CPNE2: variants seen among roughly 807,000 people sequenced by gnomAD.
The protein encoded by CPNE2 is copine-2.
CPNE2 carries 42 observed loss-of-function variants against 69.7 expected under a neutral mutation model. The ratio of observed to expected loss-of-function variants is 0.60; its 90% confidence interval spans 0.47 to 0.78. The LOEUF is 0.78. Ranked by LOEUF, CPNE2 falls within the 30% of genes least tolerant of loss-of-function variation. The pLI, the probability that CPNE2 is intolerant of heterozygous loss-of-function variation, is 0.00. For missense variants in CPNE2, 587 were observed against 732.0 expected, an observed-to-expected ratio of 0.80 and a Z score of 2.29; for synonymous variants, 294 against 289.8, an observed-to-expected ratio of 1.01 and a Z score of -0.15.
chr16:57,117,426 C>T (rs2069727277), intron 4 of CPNE2, 70 bp from the exon 5 acceptor site: 2 of 1,514,398 alleles, frequency 1.3e-6, no homozygotes, highest in African/African-American at 2.8e-5. Context: ...GCTCCTGGGG[C>T]ACCCTGTGCC....
Position 57,146,144 on chromosome 16 carries a change from G to T in CPNE2, c.1362G>T (p.Arg454=). ...DGVISDMEET[R]HAVVQASKLP... is the part of the protein sequence containing the mutation. ...TCATCAGTGACATGGAGGAGACACGGCATGCCGTGGTGCAGGCTTCCAAGC... is the reference window on the plus strand; with the variant it reads ...TCATCAGTGACATGGAGGAGACACGTCATGCCGTGGTGCAGGCTTCCAAGC... The change falls in exon 15 of 16, where the codon CGG becomes CGT. Residue 454 remains arginine (R), a synonymous_variant. Coordinates refer to ENST00000290776, the MANE Select transcript of CPNE2 (RefSeq NM_152727.6). The surrounding 1 kb of genome is among the most constrained non-coding windows in gnomAD (Gnocchi z 4.4). The T allele has an allele frequency of 6.3e-7, 1 of 1,593,732 alleles. No homozygotes were observed. Among genetic ancestry groups the T allele is most frequent in the Non-Finnish European group, 8.6e-7 (1 of 1,169,384 alleles).
At chr16:57,147,473 G>A in intron 15 of CPNE2, 78 bp from the exon 16 acceptor site, 2 of 1,063,128 alleles carry the variant, frequency 1.9e-6, no homozygotes, top group Non-Finnish European at 2.7e-6. Flanking sequence ...CAGCCCTCTG[G>A]GCATAGTGCC....
Position 57,121,152 on chromosome 16 carries a change from C to T in CPNE2, c.741C>T (p.Thr247=), listed in dbSNP as rs758072749. ...ATGACTTCATCGGCGAGTTCCAGAC[C>T]TCAGTGTCACAGATGTGTGAGGCTC... ...GGHDFIGEFQ[T]SVSQMCEARD... Residue 247 remains threonine, a synonymous_variant, in exon 8 of 16, where the codon ACC becomes ACT. Transcript: ENST00000290776. 1.2e-6 allele frequency: 2 copies of T among 1,614,022 alleles called. No homozygotes were observed. The highest frequency in any genetic ancestry group is 1.7e-4 in the Middle Eastern group (1 of 6,060).
At chr16:57,096,010 T>C (rs954248541) in intron 1 of CPNE2, among the ~76,000 whole-genome samples, 18 of 152,372 alleles carry the variant, frequency 1.2e-4, no homozygotes, top group Non-Finnish European at 2.5e-4. Context: ...TTTAGGGCCA[T>C]GTCCCAGCAC....
rs114460089 is a variant in CPNE2 at position 57,134,102 on chromosome 16, A to T, written c.1117-673A>T. Among the ~76,000 whole-genome samples the T allele has an allele frequency of 6.2e-3, 944 of 152,286 alleles. 5 individuals are homozygous for T. Among genetic ancestry groups the T allele is most frequent in the African/African-American group, 0.022 (897 of 41,574 alleles). ...AAGCCATGCGAGCAGCAGCAGCCGG[A>T]TGTGATGGGTGCAGCAGTGTCCCGG... On this transcript the variant is annotated intron_variant, in intron 12 of 15. Coordinates refer to ENST00000290776, the MANE Select transcript of CPNE2 (RefSeq NM_152727.6).
At chr16:57,133,441 A>G (rs1260125059) in intron 12 of CPNE2, among the ~76,000 whole-genome samples, 2 of 151,906 alleles carry the variant, frequency 1.3e-5, no homozygotes, top group Non-Finnish European at 2.9e-5. Context: ...AGGGGAGGGG[A>G]GGGCACTGGG....
Position 57,110,868 on chromosome 16 carries a change from C to T in CPNE2, c.126C>T (p.Ser42=). 2 of 1,613,832 alleles carry T rather than the reference C, an allele frequency of 1.2e-6. No homozygotes were observed. Among genetic ancestry groups the T allele is most frequent in the Non-Finnish European group, 1.7e-6 (2 of 1,179,846 alleles). Residue 42 remains serine, a synonymous_variant, in exon 2 of 16, where the codon TCC becomes TCT. Coordinates refer to ENST00000290776, the MANE Select transcript of CPNE2 (RefSeq NM_152727.6). ...GQNLLDRDVT[S]KSDPFCVLFT... ...ACCTACTGGACCGGGATGTTACCTC[C>T]AAGTCCGACCCCTTCTGTGTCCTCT...
chr16:57,127,851 A>G lies in CPNE2; in HGVS notation c.1064A>G (p.Asp355Gly), dbSNP rs138851828. 28 of 1,612,780 alleles carry G rather than the reference A, an allele frequency of 1.7e-5. No individual in the cohort carries two copies. The highest frequency in any genetic ancestry group is 2.3e-5 in the Non-Finnish European group (27 of 1,179,978). ...GTTTCTCTTCTCTCTCTGATTAGTG[A>G]TAAGATGTTTCCAGCTCTGGGATTC... ...VGQIIQDYDSDKMFPALGFGA... is the reference protein window; with the variant it reads ...VGQIIQDYDSGKMFPALGFGA... The change falls in exon 12 of 16, where the codon GAT becomes GGT. Residue 355 changes from aspartate (D) to glycine (G), a missense_variant and splice_region_variant. Transcript: ENST00000290776.
At chr16:57,099,578 G>A (rs1200407184) in intron 1 of CPNE2, among the ~76,000 whole-genome samples, 7 of 146,858 alleles carry the variant, frequency 4.8e-5, no homozygotes, top group South Asian at 4.4e-4. Flanking sequence ...AATTTTGGCC[G>A]TCCTGGGGGT....
chr16:57,113,662 A>T (rs2069696841), intron 3 of CPNE2, among the ~76,000 whole-genome samples, 195 bp downstream of exon 3: 1 of 152,224 alleles, frequency 6.6e-6, no homozygotes, highest in Non-Finnish European at 1.5e-5. Context: ...GCCAAACAGA[A>T]TGCCTCTCAG....
chr16:57,123,280 G>T (rs2069776007), intron 9 of CPNE2, 134 bp from the exon 10 acceptor site: 4 of 849,364 alleles, frequency 4.7e-6, no homozygotes, highest in Non-Finnish European at 5.9e-6. Flanking sequence ...GGGTTTTGTT[G>T]TAATTAGATC....
chr16:57,134,915 C>T, intron 13 of CPNE2, 89 bp downstream of exon 13: 1 of 1,366,134 alleles, frequency 7.3e-7, no homozygotes, highest in Non-Finnish European at 1.0e-6. Context: ...GACAGGTTTT[C>T]ATTTCTTTCT....
intron 11 of CPNE2, 71 bp from the exon 12 acceptor site, chr16:57,127,778 C>T: frequency 5.3e-6 from 8 of 1,503,026 alleles, no homozygotes; most frequent in Non-Finnish European, 7.4e-6. Context: ...AGAGTGGGCC[C>T]AGCCCTGGGC....
intron 2 of CPNE2, among the ~76,000 whole-genome samples, chr16:57,111,139 C>T (rs545806341): frequency 6.6e-6 from 1 of 150,706 alleles, no homozygotes; most frequent in African/African-American, 2.4e-5. Context: ...CAATTAAAAT[C>T]TATAGATTTA....
Position 57,113,274 on chromosome 16 carries a change from T to C in CPNE2, c.181-14T>C. Reference sequence around the variant, plus strand: ...GCCTTGACTCTGACTTCCATTTTCCTGCCCCTCTGCTAGTACGACAGGACA... The same window carrying C: ...GCCTTGACTCTGACTTCCATTTTCCCGCCCCTCTGCTAGTACGACAGGACA... On this transcript the variant is annotated splice_polypyrimidine_tract_variant and intron_variant, in intron 2 of 15. Coordinates refer to ENST00000290776, the MANE Select transcript of CPNE2 (RefSeq NM_152727.6). The C allele has an allele frequency of 3.1e-6, 5 of 1,610,652 alleles. No homozygotes were observed. Among genetic ancestry groups the C allele is most frequent in the Non-Finnish European group, 4.2e-6 (5 of 1,177,794 alleles).
At chr16:57,103,403 C>G (rs934160192) in intron 1 of CPNE2, among the ~76,000 whole-genome samples, 5 of 152,318 alleles carry the variant, frequency 3.3e-5, no homozygotes, top group South Asian at 4.1e-4. Flanking sequence ...GGATCATAAG[C>G]GTGGGCTGCC....
intron 12 of CPNE2, among the ~76,000 whole-genome samples, chr16:57,128,554 A>T (rs2069816622): frequency 6.6e-6 from 1 of 152,204 alleles, no homozygotes; most frequent in Admixed American, 6.5e-5. Context: ...AAGTATAAGT[A>T]TGTCCTGAAT....
At chr16:57,120,249 T>C (rs2069751628) in intron 7 of CPNE2, among the ~76,000 whole-genome samples, 2 of 145,798 alleles carry the variant, frequency 1.4e-5, no homozygotes, top group South Asian at 2.2e-4. Context: ...CCAGCATGGG[T>C]AACAGAGCAA....
At chr16:57,094,200 C>T in intron 1 of CPNE2, 3 of 409,174 alleles carry the variant, frequency 7.3e-6, no homozygotes, top group Non-Finnish European at 9.9e-6. Flanking sequence ...GTTCGTTTTG[C>T]GGCCGTCACT....
Sources: gnomAD v4.1 joint callset for allele counts (sites outside exome capture counted in the v4.1 genomes callset) on GRCh38, gnomAD v4.1.1 for gene constraint, Gnocchi (gnomAD v3.1) non-coding constraint, MANE v1.5 for transcripts, NCBI Gene and HGNC (gene_info 2026-07-23, HGNC 2026-07-21) for gene names.